Variants in CNPY3 observed in about 807,000 individuals in gnomAD.
CNPY3 encodes the protein protein canopy homolog 3.
In CNPY3, 20 loss-of-function variants were observed where a neutral mutation model predicts 32.0. The ratio of observed to expected loss-of-function variants is 0.63; its 90% CI spans 0.44 to 0.91. The LOEUF is 0.91. CNPY3 is among the 40% of genes least tolerant of loss of function. The pLI is 0.00. For missense variants in CNPY3, 299 were observed against 340.8 expected, an observed-to-expected ratio of 0.88 and a Z score of 0.97; for synonymous variants, 138 against 142.9, an observed-to-expected ratio of 0.97 and a Z score of 0.24.
At chr6:42,937,943 C>G (rs1768348265) in intron 4 of CNPY3, 104 bp downstream of exon 4, 3 of 1,515,384 alleles carry the variant, frequency 2.0e-6, no homozygotes, top group Non-Finnish European at 2.7e-6. Flanking sequence ...TGGCTTTGGT[C>G]AGGTCATTTC....
chr6:42,938,498 T>C, intron 5 of CNPY3, 70 bp from the exon 6 acceptor site: 1 of 1,415,588 alleles, frequency 7.1e-7, no homozygotes, highest in Non-Finnish European at 9.6e-7. Context: ...GGCTCCCTGC[T>C]CAGTGCTCCT....
In CNPY3 at chr6:42,939,044, G is replaced by A; in HGVS notation, c.*253G>A. 2 of 1,284,510 alleles carry A rather than the reference G, an allele frequency of 1.6e-6. No individual in the cohort carries two copies. The highest frequency in any genetic ancestry group is 2.5e-5 in the South Asian group (1 of 40,500). 79.6% of individuals were successfully genotyped at this position (1,284,510 alleles called of 1,614,324 possible). A position where few individuals can be genotyped will look rare whatever the true frequency, so the allele number is the denominator to read the frequency against. On this transcript the variant is annotated 3_prime_UTR_variant, in exon 6 of 6. Transcript: ENST00000372836. Reference sequence around the variant, plus strand: ...AGGCAGGCCTTGTGGTTTCAGGACTGCAAGGACTCCAGTGTGAACTCAGGA... The same window carrying A: ...AGGCAGGCCTTGTGGTTTCAGGACTACAAGGACTCCAGTGTGAACTCAGGA...
Position 42,935,394 on chromosome 6 carries a change from C to T in CNPY3, c.276-180C>T, listed in dbSNP as rs530121296. The T allele has an allele frequency of 2.8e-5, 28 of 985,102 alleles. No individual in the cohort carries two copies. In the South Asian group the frequency reaches 1.2e-3, roughly 41 times the overall value. 61.0% of individuals were successfully genotyped at this position (985,102 alleles called of 1,614,324 possible). On this transcript the variant is annotated intron_variant, in intron 2 of 5. Transcript: ENST00000372836. Reference sequence around the variant, plus strand: ...CCTTAGAGCTGTTAAAATTTTGTCTCTCTGGTCTGTGTTCCAGCATTTCAG... The same window carrying T: ...CCTTAGAGCTGTTAAAATTTTGTCTTTCTGGTCTGTGTTCCAGCATTTCAG...
At chr6:42,938,471 C>T in intron 5 of CNPY3, 97 bp from the exon 6 acceptor site, 1 of 1,185,562 alleles carries the variant, frequency 8.4e-7, no homozygotes, top group Non-Finnish European at 1.2e-6. Flanking sequence ...AAGCACAGTC[C>T]CAGTTGCTAC....
intron 1 of CNPY3, 84 bp downstream of exon 1, chr6:42,929,805 CA>C (rs780690333): frequency 6.9e-6 from 10 of 1,441,492 alleles, no homozygotes; most frequent in Admixed American, 2.4e-5. Flanking sequence ...TCGGGGGTTG[CA>C]AGGTTCCGAG....
intron 5 of CNPY3, 35 bp downstream of exon 5, chr6:42,938,242 G>C (rs375592075): frequency 6.5e-7 from 1 of 1,529,114 alleles, no homozygotes. Context: ...GCTGGCTCTG[G>C]ATGATTTGTT....
upstream of CNPY3, chr6:42,929,469 G>A: frequency 1.6e-6 from 2 of 1,255,226 alleles, no homozygotes; most frequent in South Asian, 1.5e-5. Flanking sequence ...TGGTTGCTCG[G>A]AGGCACGTGT....
chr6:42,938,596 G>A lies in CNPY3; in HGVS notation c.642G>A (p.Lys214=). ...GCCTGGCAGAGCAGTGGTCCGGCAA[G>A]AAGGGAGACACAGCTGCCCTGGGAG... The part of the protein sequence containing the change: ...TSCLAEQWSG[K]KGDTAALGGK... The change falls in exon 6 of 6, where the codon AAG becomes AAA. Residue 214 remains lysine, a synonymous_variant. Transcript: ENST00000372836. 6.2e-7 allele frequency: 1 copy of A among 1,600,832 alleles called. No individual in the cohort carries two copies. The highest frequency in any genetic ancestry group is 1.7e-5 in the Admixed American group (1 of 57,342).
intron 3 of CNPY3, among the ~76,000 whole-genome samples, chr6:42,936,783 A>C (rs1768268413): frequency 6.6e-6 from 1 of 152,138 alleles, no homozygotes; most frequent in Non-Finnish European, 1.5e-5. Context: ...TGATCAGCCC[A>C]CCTTGGCCTC....
intron 4 of CNPY3, 112 bp downstream of exon 4, chr6:42,937,951 T>G (rs1191602167): frequency 6.7e-7 from 1 of 1,497,814 alleles, no homozygotes; most frequent in Admixed American, 1.7e-5. Context: ...GTCAGGTCAT[T>G]TCACCTCTCT....
chr6:42,928,329 G>C (rs1767520675), upstream of CNPY3, among the ~76,000 whole-genome samples: 1 of 151,146 alleles, frequency 6.6e-6, no homozygotes, highest in South Asian at 2.1e-4. Flanking sequence ...TTTGAGATGG[G>C]GGGGGTGTCT....
upstream of CNPY3, chr6:42,929,452 GT>G: frequency 9.2e-7 from 1 of 1,091,500 alleles, no homozygotes; most frequent in Non-Finnish European, 1.3e-6. Flanking sequence ...GAGGCTAGCT[GT>G]TGTCGTGGTT....
chr6:42,938,837 A>G lies in CNPY3; in HGVS notation c.*46A>G, dbSNP rs746956278. 4.6e-6 allele frequency: 7 copies of G among 1,516,974 alleles called. No individual in the cohort carries two copies. In the African/African-American group the frequency reaches 8.3e-5, roughly 18 times the overall value. 94.0% of individuals were successfully genotyped at this position (1,516,974 alleles called of 1,614,324 possible). On this transcript the variant is annotated 3_prime_UTR_variant, in exon 6 of 6. Transcript: ENST00000372836. ...CCTGAGACCCCTGATTTTGAAGCTGAGGAGTCAGGGGCATGGCTCTGGCAG... is the reference window on the plus strand; with the variant it reads ...CCTGAGACCCCTGATTTTGAAGCTGGGGAGTCAGGGGCATGGCTCTGGCAG...
In CNPY3 at chr6:42,937,699, T is replaced by C. The variant is rs1022322213; in HGVS notation, c.373-18T>C. The C allele has an allele frequency of 2.5e-6, 4 of 1,613,470 alleles. No homozygotes were observed. The highest frequency in any genetic ancestry group is 3.4e-6 in the Non-Finnish European group (4 of 1,179,790). On this transcript the variant is annotated intron_variant, in intron 3 of 5. Coordinates refer to ENST00000372836, the MANE Select transcript of CNPY3 (RefSeq NM_006586.5). ...AGAGAAGGGAGCTCCGCCTGCCATATCTGGTCGCTTCTTCCAGGGCATGTC... is the reference window on the plus strand; with the variant it reads ...AGAGAAGGGAGCTCCGCCTGCCATACCTGGTCGCTTCTTCCAGGGCATGTC...
rs1197219692 is a variant in CNPY3 at position 42,938,687 on chromosome 6, CAAAG to C, written c.734_737del (p.Gln245ArgfsTer42). 12 of 1,613,760 alleles carry C rather than the reference CAAAG, an allele frequency of 7.4e-6. No individual in the cohort carries two copies. Among genetic ancestry groups the C allele is most frequent in the African/African-American group, 1.3e-5 (1 of 74,916 alleles). ...AGGCGGCAGGAGTAGCAGCAGCAAA[CAAAG>C]GAAGGAGCTGGGTGGCCTTGAGGGA... On this transcript the variant is annotated frameshift_variant, in exon 6 of 6. Transcript: ENST00000372836. LOFTEE classifies it high-confidence loss of function.
upstream of CNPY3, among the ~76,000 whole-genome samples, chr6:42,928,818 C>T (rs1202865639): frequency 6.6e-6 from 1 of 152,186 alleles, no homozygotes; most frequent in Non-Finnish European, 1.5e-5. Flanking sequence ...ATTCTATTAA[C>T]CTATTTGAGC....
intron 1 of CNPY3, among the ~76,000 whole-genome samples, chr6:42,930,898 T>C (rs1416877348): frequency 6.6e-6 from 1 of 151,846 alleles, no homozygotes; most frequent in Non-Finnish European, 1.5e-5. Context: ...TTTTTTCCTT[T>C]TTTTTTTTTA....
At chr6:42,935,770 A>G (rs1045478579) in intron 3 of CNPY3, 100 bp downstream of exon 3, 3 of 1,304,142 alleles carry the variant, frequency 2.3e-6, no homozygotes, top group Non-Finnish European at 2.1e-6. Flanking sequence ...ACCACCTGGG[A>G]TCTTCCTTCA....
At chr6:42,936,083 G>A (rs1048614580) in intron 3 of CNPY3, among the ~76,000 whole-genome samples, 1 of 133,778 alleles carries the variant, frequency 7.5e-6, no homozygotes, top group Non-Finnish European at 1.6e-5. Context: ...CCACAACCCC[G>A]CTGGGATGCC....
Sources: allele counts gnomAD v4.1 joint callset (sites outside exome capture counted in the v4.1 genomes callset), GRCh38; gene constraint gnomAD v4.1.1; transcripts MANE v1.5; gene names NCBI Gene and HGNC (gene_info 2026-07-23, HGNC 2026-07-21).